The following CCP110 variants were observed in gnomAD, a reference collection of about 807,000 sequenced individuals.
CCP110 encodes centriolar coiled-coil protein of 110 kDa.
Under a neutral mutation model 105.5 loss-of-function variants are expected in CCP110, and 43 were observed. That is an observed-to-expected ratio of 0.41 (90% confidence interval 0.32 to 0.53). CCP110 has a LOEUF of 0.53. Ranked by LOEUF, CCP110 falls within the 20% of genes least tolerant of loss-of-function variation. The pLI, the probability that CCP110 is intolerant of heterozygous loss-of-function variation, is 0.32. For synonymous variants in CCP110, 353 were observed against 392.1 expected (o/e 0.90, Z 1.18); for missense variants, 1,016 against 1,189.1 (o/e 0.85, Z 2.14).
intron 6 of CCP110, 39 bp from the exon 7 acceptor site, chr16:19,542,582 T>C: frequency 6.9e-7 from 1 of 1,449,282 alleles, no homozygotes; most frequent in Non-Finnish European, 9.7e-7. Context: ...ATTCTAATTA[T>C]ATGACATCAA....
At chr16:19,541,406 A>G (rs973595767) in intron 5 of CCP110, among the ~76,000 whole-genome samples, 80 of 152,158 alleles carry the variant, frequency 5.3e-4, no homozygotes, top group Middle Eastern at 6.8e-3. Context: ...GCCGAGGTGG[A>G]TGGATCACCT....
chr16:19,546,730 G>A (rs1030748669), intron 12 of CCP110: 11 of 247,586 alleles, frequency 4.4e-5, no homozygotes, highest in African/African-American at 2.3e-4. Context: ...CAGGAGAATC[G>A]CTTGAACCCG....
chr16:19,541,827 A>G (rs758995831), intron 5 of CCP110, 60 bp from the exon 6 acceptor site: 2 of 956,712 alleles, frequency 2.1e-6, no homozygotes, highest in Non-Finnish European at 3.0e-6. Flanking sequence ...GCCTAAAATG[A>G]TATCATTTTG....
chr16:19,548,010 C>T lies in CCP110; in HGVS notation c.2896C>T (p.Gln966Ter). The stretch of plus-strand genomic sequence containing the variant: ...ACCTGTTCATAGGCTACTTAGTAGA[C>T]AAGGGTAAGAATGCCACACACGGGT... The change falls in exon 13 of 15, where the codon CAA becomes TAA. Residue 966 changes from glutamine to a stop codon, truncating the protein, a stop_gained. Coordinates refer to ENST00000381396, the Ensembl canonical transcript of CCP110. LOFTEE classifies it high-confidence loss of function. The surrounding 1 kb of genome is among the most constrained non-coding windows in gnomAD (Gnocchi z 4.1). 1 of 1,607,344 alleles carries T rather than the reference C, an allele frequency of 6.2e-7. No individual in the cohort carries two copies. Among genetic ancestry groups the T allele is most frequent in the Non-Finnish European group, 8.5e-7 (1 of 1,174,114 alleles).
chr16:19,527,758 T>C (rs992289503), intron 1 of CCP110, 109 bp from the exon 2 acceptor site: 49 of 750,974 alleles, frequency 6.5e-5, no homozygotes, highest in Non-Finnish European at 8.9e-5. Flanking sequence ...GGAGGACCAG[T>C]TATAGGAATT....
exon 4 of CCP110, chr16:19,536,115 A>T: frequency 6.2e-7 from 1 of 1,613,976 alleles, no homozygotes; most frequent in Non-Finnish European, 8.5e-7. Context: ...TTGCCATTGG[A>T]TAATGAGGAC....
At chr16:19,545,945 C>T (rs2301688) in intron 11 of CCP110, 55 bp downstream of exon 11, 80,595 of 998,288 alleles carry the variant, frequency 0.081, 6,398 homozygotes, top group East Asian at 0.37. Context: ...TTTTAGTCAT[C>T]TGTTGGTCTA....
intron 14 of CCP110, among the ~76,000 whole-genome samples, chr16:19,549,464 G>T (rs544825863): frequency 1.3e-5 from 2 of 152,178 alleles, no homozygotes; most frequent in East Asian, 3.9e-4. Flanking sequence ...GCTATTGGTC[G>T]TAACTTTGAA....
chr16:19,546,451 TA>T lies in CCP110; in HGVS notation c.2820del (p.Lys940AsnfsTer34). 3 of 1,589,582 alleles carry T rather than the reference TA, an allele frequency of 1.9e-6. No individual in the cohort carries two copies. The highest frequency in any genetic ancestry group is 1.7e-6 in the Non-Finnish European group (2 of 1,158,044). ...GAATGCCAAATAAGAAATTTCTGGT[TA>T]AACAAAATCCTTCTGAAACAAGGTG... On this transcript the variant is annotated frameshift_variant, in exon 12 of 15. Coordinates refer to ENST00000381396, the Ensembl canonical transcript of CCP110. LOFTEE classifies it high-confidence loss of function.
chr16:19,548,188 G>A lies in CCP110; in HGVS notation c.2900+174G>A. ...TTTTGTCTTCAAATGTAACCCTCTT[G>A]GTGTACTGTTGTGTATTCTAATTAC... On this transcript the variant is annotated intron_variant, in intron 13 of 14. Coordinates refer to ENST00000381396, the Ensembl canonical transcript of CCP110. The surrounding 1 kb of genome is among the most constrained non-coding windows in gnomAD (Gnocchi z 4.1). The A allele has an allele frequency of 1.5e-6, 1 of 655,538 alleles. No individual in the cohort carries two copies. Among genetic ancestry groups the A allele is most frequent in the Non-Finnish European group, 2.7e-6 (1 of 366,620 alleles). The allele number at this position is 655,538 out of a possible 1,614,324, so 40.6% of individuals were successfully genotyped here.
intron 2 of CCP110, among the ~76,000 whole-genome samples, chr16:19,531,860 G>T (rs553964328): frequency 6.6e-6 from 1 of 152,086 alleles, no homozygotes; most frequent in East Asian, 1.9e-4. Flanking sequence ...CATCTACTCC[G>T]GAGGCTGAGG....
At chr16:19,530,174 G>C (rs1969813361) in intron 2 of CCP110, among the ~76,000 whole-genome samples, 1 of 152,020 alleles carries the variant, frequency 6.6e-6, no homozygotes, top group African/African-American at 2.4e-5. Context: ...TCCAACCTGG[G>C]TGACAGAGTG....
intron 11 of CCP110, 134 bp from the exon 12 acceptor site, chr16:19,546,278 T>G (rs767902843): frequency 2.9e-5 from 16 of 560,880 alleles, no homozygotes; most frequent in Non-Finnish European, 5.0e-5. Flanking sequence ...GTCTTTAATA[T>G]GCTTAGTACA....
At chr16:19,527,384 A>G (rs1969710783) in intron 1 of CCP110, among the ~76,000 whole-genome samples, 1 of 151,698 alleles carries the variant, frequency 6.6e-6, no homozygotes. Context: ...AAAAAAAGAT[A>G]TGAGAGTAAC....
At chr16:19,536,687 G>C (rs1970073459) in exon 4 of CCP110, 1 of 1,614,026 alleles carries the variant, frequency 6.2e-7, no homozygotes, top group African/African-American at 1.3e-5. Context: ...GTCTAATTCT[G>C]ATTTTAAAGT....
chr16:19,545,489 T>A (rs1400806539), intron 10 of CCP110, among the ~76,000 whole-genome samples: 2 of 152,202 alleles, frequency 1.3e-5, no homozygotes, highest in Non-Finnish European at 2.9e-5. Flanking sequence ...TTGAATTTCC[T>A]TGAATTCAAT....
chr16:19,541,873 C>T lies in CCP110; in HGVS notation c.2050-14C>T, dbSNP rs573124589. The stretch of plus-strand genomic sequence containing the variant: ...AAAAGGTTTAGCATGTTACAATAAA[C>T]TGTTCATGTATAGGAAATAGAAGAG... On this transcript the variant is annotated splice_polypyrimidine_tract_variant and intron_variant, in intron 5 of 14. Coordinates refer to ENST00000381396, the Ensembl canonical transcript of CCP110. The T allele has an allele frequency of 3.4e-5, 52 of 1,517,796 alleles. No homozygotes were observed. In the South Asian group the frequency reaches 6.2e-4, roughly 18 times the overall value. The allele number at this position is 1,517,796 out of a possible 1,614,324, so 94.0% of individuals were successfully genotyped here.
exon 5 of CCP110, chr16:19,540,664 G>C: frequency 6.2e-7 from 1 of 1,611,886 alleles, no homozygotes; most frequent in Admixed American, 1.7e-5. Flanking sequence ...CAGAAAGCGA[G>C]GAGTTACTAA....
At chr16:19,537,086 G>T (rs759616349) in exon 4 of CCP110, 1 of 1,614,074 alleles carries the variant, frequency 6.2e-7, no homozygotes, top group Non-Finnish European at 8.5e-7. Flanking sequence ...AGAAAATAAA[G>T]TTACTCATGG....
Sources: gnomAD v4.1 joint callset for allele counts (sites outside exome capture counted in the v4.1 genomes callset) on GRCh38, gnomAD v4.1.1 for gene constraint, Gnocchi (gnomAD v3.1) non-coding constraint, MANE v1.5 for transcripts, NCBI Gene and HGNC (gene_info 2026-07-23, HGNC 2026-07-21) for gene names.